The following CAMTA1 variants were observed in gnomAD, a reference collection of about 807,000 sequenced individuals.
CAMTA1 encodes the protein calmodulin binding transcription activator 1.
Under a neutral mutation model 170.9 loss-of-function variants are expected in CAMTA1, and 27 were observed. The observed-to-expected ratio is 0.16, with a 90% CI of 0.12 to 0.22. The LOEUF is 0.22. CAMTA1 is among the 10% of genes least tolerant of loss of function. The probability of loss-of-function intolerance (pLI) is 1.00; values close to 1 mark genes in which losing one functional copy is unlikely to be tolerated. For synonymous variants in CAMTA1, 833 were observed against 891.5 expected (o/e 0.93, Z 1.17); for missense variants, 1,619 against 2,217.2 (o/e 0.73, Z 5.42).
At chr1:7,378,789 G>T (rs536887120) in intron 5 of CAMTA1, among the ~76,000 whole-genome samples, 1 of 152,290 alleles carries the variant, frequency 6.6e-6, no homozygotes, top group South Asian at 2.1e-4. Flanking sequence ...CGGAGACCGA[G>T]TCAGAGGCCG....
intron 5 of CAMTA1, among the ~76,000 whole-genome samples, chr1:7,289,322 G>A (rs553470043): frequency 6.6e-6 from 1 of 152,200 alleles, no homozygotes; most frequent in African/African-American, 2.4e-5. Flanking sequence ...GAGCAGGAGG[G>A]GTGAGAATGA....
intron 2 of CAMTA1, among the ~76,000 whole-genome samples, chr1:6,823,006 A>G (rs547482721): frequency 2.0e-5 from 3 of 152,284 alleles, no homozygotes; most frequent in East Asian, 1.9e-4. Flanking sequence ...AGATATGGCT[A>G]TTCATATACA....
rs1188934495 is a variant in CAMTA1 at position 7,284,171 on chromosome 1, CTTCTTCTTATTATTATTA to C, written c.438+34548_438+34565del. 5.6e-4 allele frequency among the ~76,000 whole-genome samples: 65 copies of C among 115,826 alleles called. 1 individual carries two copies. Among genetic ancestry groups the C allele is most frequent in the South Asian group, 1.5e-3 (5 of 3,374 alleles). The allele number at this position is 115,826 out of a possible 152,430, so 76.0% of individuals were successfully genotyped here. On this transcript the variant is annotated intron_variant, in intron 5 of 22. Transcript: ENST00000303635. Reference sequence around the variant, plus strand: ...TCTTCTTCTTCTTCTTCTTCTTCTTCTTCTTCTTATTATTATTATTATTATTATTATTATTATTATTAT... The same window carrying C: ...TCTTCTTCTTCTTCTTCTTCTTCTTCTTATTATTATTATTATTATTATTAT...
intron 6 of CAMTA1, among the ~76,000 whole-genome samples, chr1:7,472,342 G>A (rs545070464): frequency 2.0e-5 from 3 of 152,232 alleles, no homozygotes; most frequent in East Asian, 1.9e-4. Flanking sequence ...CAGAGTCTGA[G>A]GAGCTGGATT....
At chr1:7,132,186 A>C (rs1285292075) in intron 4 of CAMTA1, among the ~76,000 whole-genome samples, 1 of 152,240 alleles carries the variant, frequency 6.6e-6, no homozygotes, top group African/African-American at 2.4e-5. Context: ...TTTCTGCAAC[A>C]AGCCTGATAG....
At position 7,736,761 on chromosome 1, in the gene CAMTA1, T is replaced by C. The variant is rs760818505; in HGVS notation, c.3264-170T>C. Reference sequence around the variant, plus strand: ...TTAAATGTTGGACTTGTCATTTTCTTTGGACCCCTAGCCAAATGGAGCGTC... The same window carrying C: ...TTAAATGTTGGACTTGTCATTTTCTCTGGACCCCTAGCCAAATGGAGCGTC... On this transcript the variant is annotated intron_variant, in intron 13 of 22. Coordinates refer to ENST00000303635, the MANE Select transcript of CAMTA1 (RefSeq NM_015215.4). This position sits in a 1 kb window ranked among gnomAD's most constrained non-coding sequence, Gnocchi z 4.5. Among the ~76,000 whole-genome samples the C allele has an allele frequency of 4.6e-5, 7 of 152,130 alleles. No individual in the cohort carries two copies. Among genetic ancestry groups the C allele is most frequent in the Non-Finnish European group, 8.8e-5 (6 of 68,020 alleles).
chr1:7,090,882 C>T (rs181475018), intron 3 of CAMTA1, among the ~76,000 whole-genome samples: 8 of 152,278 alleles, frequency 5.3e-5, no homozygotes, highest in Admixed American at 3.3e-4. Flanking sequence ...GAGAATGCGA[C>T]GTCTCTTGTG....
rs181250557 is a variant in CAMTA1 at position 6,839,669 on chromosome 1, G to A, written c.234+14459G>A. 1.6e-4 allele frequency among the ~76,000 whole-genome samples: 25 copies of A among 152,310 alleles called. No individual in the cohort carries two copies. The East Asian group carries it at 4.6e-3, about 28-fold the overall frequency. On this transcript the variant is annotated intron_variant, in intron 3 of 22. Transcript: ENST00000303635. ...GATTTCGTAGGAAAGGCCTTTCTTA[G>A]GAAGTTATATTTGAGCTGAGAACTG... is the stretch of plus-strand genomic sequence containing the variant.
At chr1:7,190,673 A>G (rs1349328482) in intron 4 of CAMTA1, among the ~76,000 whole-genome samples, 1 of 152,220 alleles carries the variant, frequency 6.6e-6, no homozygotes, top group Non-Finnish European at 1.5e-5. Context: ...AAAATAGAAA[A>G]AAACAAATAT....
At chr1:6,999,874 C>T (rs1221089238) in intron 3 of CAMTA1, among the ~76,000 whole-genome samples, 3 of 152,170 alleles carry the variant, frequency 2.0e-5, no homozygotes, top group Admixed American at 2.0e-4. Flanking sequence ...CTTGATCATT[C>T]CCTGATTTCA....
chr1:7,444,821 C>T (rs974882927), intron 5 of CAMTA1, among the ~76,000 whole-genome samples: 35 of 152,268 alleles, frequency 2.3e-4, no homozygotes, highest in African/African-American at 8.2e-4. Context: ...GAAAACCAGA[C>T]AACACAAAGA....
At chr1:7,420,883 C>G (rs1348932321) in intron 5 of CAMTA1, among the ~76,000 whole-genome samples, 3 of 152,198 alleles carry the variant, frequency 2.0e-5, no homozygotes, top group Non-Finnish European at 4.4e-5. Flanking sequence ...TGACATCATC[C>G]TGGACTTGAG....
chr1:6,996,313 C>T (rs149833864), intron 3 of CAMTA1, among the ~76,000 whole-genome samples: 2 of 152,266 alleles, frequency 1.3e-5, no homozygotes, highest in East Asian at 1.9e-4. Context: ...GATTCTGTTA[C>T]GCTATTCAGA....
Position 6,984,189 on chromosome 1 carries a change from T to C in CAMTA1, c.235-107115T>C, listed in dbSNP as rs1436579326. 5.9e-5 allele frequency among the ~76,000 whole-genome samples: 7 copies of C among 117,864 alleles called. No individual in the cohort carries two copies. The East Asian group carries it at 1.8e-3, about 30-fold the overall frequency. 77.3% of individuals were successfully genotyped at this position (117,864 alleles called of 152,430 possible). A position where few individuals can be genotyped will look rare whatever the true frequency, so the allele number is the denominator to read the frequency against. On this transcript the variant is annotated intron_variant, in intron 3 of 22. Transcript: ENST00000303635. ...GTAGATGGGTTGGTAGGTGAGTGGATAGAGGGATGGGTGGGTTGATGGGTG... is the reference window on the plus strand; with the variant it reads ...GTAGATGGGTTGGTAGGTGAGTGGACAGAGGGATGGGTGGGTTGATGGGTG...
intron 3 of CAMTA1, chr1:6,873,999 C>T (rs1451624347): frequency 6.6e-6 from 1 of 152,214 alleles, no homozygotes; most frequent in Admixed American, 6.5e-5. Context: ...GGTGTAAAAA[C>T]AGTGAAATTA....
intron 5 of CAMTA1, among the ~76,000 whole-genome samples, chr1:7,354,303 C>A (rs776591952): frequency 6.6e-6 from 1 of 152,110 alleles, no homozygotes; most frequent in African/African-American, 2.4e-5. Context: ...CGCCTGCCAC[C>A]GCGCCCGGCT....
rs139861520 is a variant in CAMTA1, at chr1:7,239,486, G to A, written c.303-10005G>A. ...CTTCCTCAGAGAATTGGTTAAAGAAGCCAAGTCATTTGCCCCGTAGAGTCT... is the reference window on the plus strand; with the variant it reads ...CTTCCTCAGAGAATTGGTTAAAGAAACCAAGTCATTTGCCCCGTAGAGTCT... On this transcript the variant is annotated intron_variant, in intron 4 of 22. Transcript: ENST00000303635. 1.9e-3 allele frequency among the ~76,000 whole-genome samples: 289 copies of A among 152,132 alleles called. 1 individual carries two copies. Among genetic ancestry groups the A allele is most frequent in the African/African-American group, 6.5e-3 (271 of 41,488 alleles).
In CAMTA1 at chr1:7,241,404, A is replaced by G. The variant is rs190483307; in HGVS notation, c.303-8087A>G. On this transcript the variant is annotated intron_variant, in intron 4 of 22. Coordinates refer to ENST00000303635, the MANE Select transcript of CAMTA1 (RefSeq NM_015215.4). ...GATTTCTAGATTCAGTACAACTCCAATTAAAATTCTAGCAGCCTTTTTTCC... is the reference window on the plus strand; with the variant it reads ...GATTTCTAGATTCAGTACAACTCCAGTTAAAATTCTAGCAGCCTTTTTTCC... Among the ~76,000 whole-genome samples the G allele has an allele frequency of 1.9e-4, 29 of 152,362 alleles. No homozygotes were observed. In the East Asian group the frequency reaches 3.3e-3, roughly 17 times the overall value.
intron 19 of CAMTA1, among the ~76,000 whole-genome samples, chr1:7,749,552 C>A (rs1228270769): frequency 6.6e-6 from 1 of 151,506 alleles, no homozygotes; most frequent in Non-Finnish European, 1.5e-5. Flanking sequence ...AAAAAAAAAC[C>A]CTCCCCAGAA....
Sources: gnomAD v4.1 joint callset for allele counts (sites outside exome capture counted in the v4.1 genomes callset) on GRCh38, gnomAD v4.1.1 for gene constraint, Gnocchi (gnomAD v3.1) non-coding constraint, MANE v1.5 for transcripts, NCBI Gene and HGNC (gene_info 2026-07-23, HGNC 2026-07-21) for gene names.